The following SV2B variants were observed in gnomAD, a reference collection of about 807,000 sequenced individuals.
The protein encoded by SV2B is solute carrier family 22 member B2.
SV2B carries 41 observed loss-of-function variants against 73.9 expected under a neutral mutation model. The observed-to-expected ratio is 0.56, with a 90% CI of 0.43 to 0.72. SV2B has a LOEUF of 0.72. SV2B is among the 30% of genes least tolerant of loss of function. The pLI is 0.00. For missense variants in SV2B, 764 were observed against 857.8 expected, an observed-to-expected ratio of 0.89 and a Z score of 1.37; for synonymous variants, 314 against 314.2, an observed-to-expected ratio of 1.00 and a Z score of 0.01.
At position 91,267,750 on chromosome 15, in the gene SV2B, T is replaced by C. The variant is rs2048156107; in HGVS notation, c.1208+107T>C. On this transcript the variant is annotated intron_variant, in intron 8 of 12. Coordinates refer to ENST00000394232, the MANE Select transcript of SV2B (RefSeq NM_001323032.3). This position sits in a 1 kb window ranked among gnomAD's most constrained non-coding sequence, Gnocchi z 4.3. ...GACTTAGAATTTGTATCAGGTAGGA[T>C]GCTTTGGTGGCAAGTAGCAGAAAAC... The C allele has an allele frequency of 2.1e-6, 2 of 953,040 alleles. No homozygotes were observed. Among genetic ancestry groups the C allele is most frequent in the East Asian group, 5.2e-5 (2 of 38,228 alleles). The allele number at this position is 953,040 out of a possible 1,614,324, so 59.0% of individuals were successfully genotyped here. A position where few individuals can be genotyped will look rare whatever the true frequency, so the allele number is the denominator to read the frequency against.
intron 1 of SV2B, among the ~76,000 whole-genome samples, chr15:91,173,009 G>A (rs1287826197): frequency 6.6e-6 from 1 of 152,030 alleles, no homozygotes. Flanking sequence ...ACTGTGATAA[G>A]TGCTTTGAAA....
rs1470261910 is a variant in SV2B, at chr15:91,136,425, T to A, written c.-392+36062T>A. ...GGTATATTCTCGGAGAGAGAACCTT[T>A]ATTTACCCGTGCCCATCCAGCTAGT... On this transcript the variant is annotated intron_variant, in intron 1 of 12. Transcript: ENST00000394232. The surrounding 1 kb of genome is among the most constrained non-coding windows in gnomAD (Gnocchi z 5.6). Among the ~76,000 whole-genome samples the A allele has an allele frequency of 5.9e-5, 9 of 152,190 alleles. No homozygotes were observed. Among genetic ancestry groups the A allele is most frequent in the Admixed American group, 5.2e-4 (8 of 15,282 alleles).
In SV2B at chr15:91,231,905, C is replaced by G. The variant is rs1254575007; in HGVS notation, c.451+5191C>G. Among the ~76,000 whole-genome samples, 1 of 152,180 alleles carries G rather than the reference C, an allele frequency of 6.6e-6. No homozygotes were observed. The highest frequency in any genetic ancestry group is 6.5e-5 in the Admixed American group (1 of 15,270). On this transcript the variant is annotated intron_variant, in intron 2 of 12. Transcript: ENST00000394232. The surrounding 1 kb of genome is among the most constrained non-coding windows in gnomAD (Gnocchi z 4.5). ...GTCTGTGCCAGCCATACGGAGGACA[C>G]AGAGCAATGTCAGATGGGGCAGATT...
rs973598718 is a variant in SV2B, at chr15:91,227,677, G to C, written c.451+963G>C. On this transcript the variant is annotated intron_variant, in intron 2 of 12. Coordinates refer to ENST00000394232, the MANE Select transcript of SV2B (RefSeq NM_001323032.3). This position sits in a 1 kb window ranked among gnomAD's most constrained non-coding sequence, Gnocchi z 4.5. ...AATATCTTTTATTGGTTTACCTTAT[G>C]CTAGACTCTGTGCTCAGGATCTGGG... Among the ~76,000 whole-genome samples the C allele has an allele frequency of 6.6e-6, 1 of 152,170 alleles. No homozygotes were observed. Among genetic ancestry groups the C allele is most frequent in the Non-Finnish European group, 1.5e-5 (1 of 68,030 alleles).
chr15:91,193,757 A>G (rs1245152216), intron 1 of SV2B, among the ~76,000 whole-genome samples: 1 of 152,224 alleles, frequency 6.6e-6, no homozygotes, highest in African/African-American at 2.4e-5. Context: ...AGTGCTTATA[A>G]AATAAGCACA....
At position 91,268,374 on chromosome 15, in the gene SV2B, G is replaced by C; in HGVS notation, c.1209-67G>C. 1.3e-6 allele frequency: 2 copies of C among 1,516,794 alleles called. No individual in the cohort carries two copies. The highest frequency in any genetic ancestry group is 1.2e-5 in the South Asian group (1 of 80,692). The allele number at this position is 1,516,794 out of a possible 1,614,324, so 94.0% of individuals were successfully genotyped here. A position where few individuals can be genotyped will look rare whatever the true frequency, so the allele number is the denominator to read the frequency against. On this transcript the variant is annotated intron_variant, in intron 8 of 12. Transcript: ENST00000394232. The surrounding 1 kb of genome is among the most constrained non-coding windows in gnomAD (Gnocchi z 4.4). ...GAGTTTGATCTGCATCAAGTCAAGA[G>C]TGTAGACCCTGATCATGAAAGAATG...
At chr15:91,273,932 T>C (rs2048399531) in intron 9 of SV2B, among the ~76,000 whole-genome samples, 1 of 152,292 alleles carries the variant, frequency 6.6e-6, no homozygotes, top group African/African-American at 2.4e-5. Context: ...TGTTTCAAAA[T>C]TTAGATAAAA....
Position 91,275,902 on chromosome 15 carries a change from G to A in SV2B, c.1374-5826G>A, listed in dbSNP as rs185933643. Among the ~76,000 whole-genome samples the A allele has an allele frequency of 2.3e-3, 348 of 152,240 alleles. 1 individual carries two copies. The highest frequency in any genetic ancestry group is 6.5e-3 in the African/African-American group (269 of 41,562). On this transcript the variant is annotated intron_variant, in intron 9 of 12. Coordinates refer to ENST00000394232, the MANE Select transcript of SV2B (RefSeq NM_001323032.3). ...TGTGAACATCCAAGTTTCAAATGTA[G>A]ATAGGTATTATATTTCTTATGCCTG...
At chr15:91,249,226 C>A (rs1377082192) in intron 2 of SV2B, among the ~76,000 whole-genome samples, 1 of 152,200 alleles carries the variant, frequency 6.6e-6, no homozygotes, top group African/African-American at 2.4e-5. Flanking sequence ...ACATATCAGA[C>A]TTTCTTTTTG....
Position 91,297,991 on chromosome 15 carries a change from A to G in SV2B, c.*5439A>G, listed in dbSNP as rs1221905049. On this transcript the variant is annotated 3_prime_UTR_variant, in exon 13 of 13. Transcript: ENST00000394232. The surrounding 1 kb of genome is among the most constrained non-coding windows in gnomAD (Gnocchi z 5.1). ...ACAAATATGCTTGTGGCATCCTGTAATTCATTGTGCCTTATGATGGACCTC... is the reference window on the plus strand; with the variant it reads ...ACAAATATGCTTGTGGCATCCTGTAGTTCATTGTGCCTTATGATGGACCTC... The G allele has an allele frequency of 6.6e-6, 1 of 152,092 alleles. No individual in the cohort carries two copies. Among genetic ancestry groups the G allele is most frequent in the Non-Finnish European group, 1.5e-5 (1 of 68,032 alleles). The allele number at this position is 152,092 out of a possible 1,614,324, so 9.4% of individuals were successfully genotyped here.
At chr15:91,161,437 A>C (rs1433513832) in intron 1 of SV2B, among the ~76,000 whole-genome samples, 3 of 152,246 alleles carry the variant, frequency 2.0e-5, no homozygotes, top group African/African-American at 7.2e-5. Flanking sequence ...TATATTTGAC[A>C]ACATAAGAAT....
intron 1 of SV2B, among the ~76,000 whole-genome samples, chr15:91,203,661 T>A (rs750321804): frequency 6.6e-6 from 1 of 152,238 alleles, no homozygotes; most frequent in African/African-American, 2.4e-5. Context: ...CTGGGCATTT[T>A]CTTTGAGAAG....
At position 91,252,243 on chromosome 15, in the gene SV2B, G is replaced by C; in HGVS notation, c.633-126G>C. Reference sequence around the variant, plus strand: ...ACATGTAGAGAGGAACTAACTGGCCGGTCTCTCAAATTCACTGGGTCCTTT... The same window carrying C: ...ACATGTAGAGAGGAACTAACTGGCCCGTCTCTCAAATTCACTGGGTCCTTT... On this transcript the variant is annotated intron_variant, in intron 3 of 12. Transcript: ENST00000394232. This position sits in a 1 kb window ranked among gnomAD's most constrained non-coding sequence, Gnocchi z 4.6. The C allele has an allele frequency of 5.3e-6, 7 of 1,324,636 alleles. No homozygotes were observed. Among genetic ancestry groups the C allele is most frequent in the Non-Finnish European group, 7.2e-6 (7 of 970,016 alleles). The allele number at this position is 1,324,636 out of a possible 1,614,324, so 82.1% of individuals were successfully genotyped here.
intron 1 of SV2B, among the ~76,000 whole-genome samples, chr15:91,155,436 A>G (rs775939099): frequency 6.6e-5 from 10 of 152,212 alleles, no homozygotes; most frequent in South Asian, 2.1e-4. Flanking sequence ...TAAATGGCAG[A>G]TTAAATAATT....
chr15:91,256,596 C>T (rs1247243933), intron 4 of SV2B, among the ~76,000 whole-genome samples: 1 of 152,086 alleles, frequency 6.6e-6, no homozygotes, highest in Non-Finnish European at 1.5e-5. Flanking sequence ...TAGTGTTACT[C>T]CCAGGAGAAA....
chr15:91,158,693 TCTCTTCTCTC>T (rs1258084444), intron 1 of SV2B, among the ~76,000 whole-genome samples: 1,066 of 38,116 alleles, frequency 0.028, 46 homozygotes, highest in Non-Finnish European at 0.036. Flanking sequence ...TCTCTTCTCT[TCTCTTCTCTC>T]CTCTCCTCTC....
intron 1 of SV2B, among the ~76,000 whole-genome samples, chr15:91,103,440 T>C (rs2041793377): frequency 6.6e-6 from 1 of 152,252 alleles, no homozygotes; most frequent in African/African-American, 2.4e-5. Flanking sequence ...AGAGTTTCTA[T>C]GATCATGGAA....
rs1311071497 is a variant in SV2B at position 91,123,859 on chromosome 15, G to A, written c.-392+23496G>A. 6.6e-6 allele frequency among the ~76,000 whole-genome samples: 1 copy of A among 152,078 alleles called. No individual in the cohort carries two copies. Among genetic ancestry groups the A allele is most frequent in the Non-Finnish European group, 1.5e-5 (1 of 68,008 alleles). ...AAAAATCAGACAAGTGATCTCCAGG[G>A]GAGATGACCCTGGGCTCTAAGCACA... On this transcript the variant is annotated intron_variant, in intron 1 of 12. Coordinates refer to ENST00000394232, the MANE Select transcript of SV2B (RefSeq NM_001323032.3). This position sits in a 1 kb window ranked among gnomAD's most constrained non-coding sequence, Gnocchi z 4.7.
In SV2B at chr15:91,115,895, C is replaced by T. The variant is rs1179257657; in HGVS notation, c.-392+15532C>T. 6.6e-6 allele frequency among the ~76,000 whole-genome samples: 1 copy of T among 152,162 alleles called. No homozygotes were observed. ...TAATGATAGGTAAGGAAAACGTGAT[C>T]TCTGCCCTCAGGGTGTATAGTGTAG... On this transcript the variant is annotated intron_variant, in intron 1 of 12. Coordinates refer to ENST00000394232, the MANE Select transcript of SV2B (RefSeq NM_001323032.3). This position sits in a 1 kb window ranked among gnomAD's most constrained non-coding sequence, Gnocchi z 4.3.
Sources: gnomAD v4.1 joint callset for allele counts (sites outside exome capture counted in the v4.1 genomes callset) on GRCh38, gnomAD v4.1.1 for gene constraint, Gnocchi (gnomAD v3.1) non-coding constraint, MANE v1.5 for transcripts, NCBI Gene and HGNC (gene_info 2026-07-23, HGNC 2026-07-21) for gene names.